The following HS3ST5 variants were observed in gnomAD, a reference collection of about 807,000 sequenced individuals.
HS3ST5 encodes the protein heparan sulfate-glucosamine 3-sulfotransferase 5.
A neutral mutation model predicts 25.4 loss-of-function variants in HS3ST5; 10 were observed. The ratio of observed to expected loss-of-function variants is 0.39; its 90% confidence interval spans 0.24 to 0.67. HS3ST5 has a LOEUF of 0.67. HS3ST5 is among the 30% of genes least tolerant of loss of function. The pLI is 0.44. For missense variants in HS3ST5, 324 were observed against 420.7 expected (o/e 0.77, Z 2.01); for synonymous variants, 170 against 162.4 (o/e 1.05, Z -0.36).
At chr6:114,202,201 C>T (rs1384490869) in intron 2 of HS3ST5, among the ~76,000 whole-genome samples, 2 of 152,150 alleles carry the variant, frequency 1.3e-5, no homozygotes, top group Non-Finnish European at 2.9e-5. Context: ...AGCAGGGTTG[C>T]TTGAGACCAG....
intron 3 of HS3ST5, among the ~76,000 whole-genome samples, chr6:114,140,771 A>G (rs956817605): frequency 2.0e-5 from 3 of 152,200 alleles, no homozygotes; most frequent in Non-Finnish European, 4.4e-5. Flanking sequence ...AAAAATGGCT[A>G]GTTTGTTATT....
At chr6:114,202,572 TA>T (rs1249095898) in intron 2 of HS3ST5, among the ~76,000 whole-genome samples, 1 of 152,028 alleles carries the variant, frequency 6.6e-6, no homozygotes, top group Non-Finnish European at 1.5e-5. Flanking sequence ...CATGGAAAAT[TA>T]AAATCTCAAT....
intron 3 of HS3ST5, among the ~76,000 whole-genome samples, chr6:114,121,577 T>G (rs894413743): frequency 6.6e-6 from 1 of 152,176 alleles, no homozygotes; most frequent in Non-Finnish European, 1.5e-5. Context: ...AATAAAATTT[T>G]CTTTTTATAA....
intron 2 of HS3ST5, among the ~76,000 whole-genome samples, chr6:114,204,608 TA>T (rs1413485024): frequency 1.3e-5 from 2 of 152,138 alleles, no homozygotes; most frequent in Non-Finnish European, 2.9e-5. Context: ...TGTTTTAAAG[TA>T]TTTTTTTGGG....
intron 1 of HS3ST5, among the ~76,000 whole-genome samples, chr6:114,274,957 G>A (rs1323049): frequency 0.17 from 26,102 of 151,382 alleles, 2,259 homozygotes; most frequent in East Asian, 0.27. Flanking sequence ...GGGATTAGAG[G>A]CCTTCCCTGA....
intron 1 of HS3ST5, among the ~76,000 whole-genome samples, chr6:114,241,052 A>C (rs79786086): frequency 0.071 from 10,801 of 152,098 alleles, 404 homozygotes; most frequent in South Asian, 0.15. Flanking sequence ...TAAAAAATGA[A>C]ATCACAAGGT....
intron 2 of HS3ST5, among the ~76,000 whole-genome samples, chr6:114,219,626 G>C (rs1781936704): frequency 6.6e-6 from 1 of 152,034 alleles, no homozygotes; most frequent in Non-Finnish European, 1.5e-5. Flanking sequence ...AAATATATTA[G>C]CTTTGTATTT....
At chr6:114,146,040 C>A (rs1778145980) in intron 3 of HS3ST5, among the ~76,000 whole-genome samples, 1 of 151,920 alleles carries the variant, frequency 6.6e-6, no homozygotes, top group African/African-American at 2.4e-5. Flanking sequence ...TCATAATTTT[C>A]AATAGAAAAA....
intron 1 of HS3ST5, among the ~76,000 whole-genome samples, chr6:114,232,003 T>C (rs1477534567): frequency 6.6e-6 from 1 of 152,324 alleles, no homozygotes; most frequent in Non-Finnish European, 1.5e-5. Flanking sequence ...TATGTGAATC[T>C]AGGGATTCCT....
chr6:114,146,609 A>G (rs1778174249), intron 3 of HS3ST5, among the ~76,000 whole-genome samples: 1 of 152,222 alleles, frequency 6.6e-6, no homozygotes, highest in African/African-American at 2.4e-5. Flanking sequence ...TACGGTTTGT[A>G]TATTCACTCC....
intron 1 of HS3ST5, chr6:114,281,980 T>C (rs530825136): frequency 6.6e-6 from 1 of 152,076 alleles, no homozygotes; most frequent in South Asian, 2.1e-4. Context: ...CAACTGGGAT[T>C]TTTGAACACT....
intron 1 of HS3ST5, among the ~76,000 whole-genome samples, chr6:114,265,834 C>T (rs890030414): frequency 1.3e-5 from 2 of 152,134 alleles, no homozygotes; most frequent in Non-Finnish European, 2.9e-5. Context: ...TTTGGGGCAT[C>T]TCTTCCCTGC....
At chr6:114,304,329 A>G (rs1775203388) in intron 1 of HS3ST5, among the ~76,000 whole-genome samples, 2 of 152,118 alleles carry the variant, frequency 1.3e-5, no homozygotes, top group Admixed American at 1.3e-4. Flanking sequence ...TGAATGTAGG[A>G]AAAAAATCCT....
rs1170430439 is a variant in HS3ST5, at chr6:114,084,072, C to G, written c.-32-21195G>C. ...TTTTTATGGTCTCAGGTTCCCTGAT[C>G]ATATTTTCTTTTCTTTTTTTTTTTT... On this transcript the variant is annotated intron_variant, in intron 3 of 4. Coordinates refer to ENST00000312719, the MANE Select transcript of HS3ST5 (RefSeq NM_153612.4). The G allele has an allele frequency of 8.6e-5, 50 of 581,924 alleles. No homozygotes were observed. The South Asian group carries it at 1.1e-3, about 13-fold the overall frequency. 36.0% of individuals were successfully genotyped at this position (581,924 alleles called of 1,614,324 possible).
intron 2 of HS3ST5, among the ~76,000 whole-genome samples, chr6:114,189,674 G>A (rs1780403692): frequency 6.6e-6 from 1 of 151,578 alleles, no homozygotes; most frequent in Non-Finnish European, 1.5e-5. Flanking sequence ...TTTTCTGAAT[G>A]TGCCTCTTTT....
At chr6:114,259,353 C>A (rs1374388684) in intron 1 of HS3ST5, among the ~76,000 whole-genome samples, 4 of 152,102 alleles carry the variant, frequency 2.6e-5, no homozygotes, top group Admixed American at 6.5e-5. Context: ...AAATTAAATT[C>A]TTTTAATACT....
At chr6:114,183,539 A>G (rs2115028519) in intron 2 of HS3ST5, among the ~76,000 whole-genome samples, 1 of 152,330 alleles carries the variant, frequency 6.6e-6, no homozygotes, top group Non-Finnish European at 1.5e-5. Flanking sequence ...ATATACATAT[A>G]TAATCTCCTA....
intron 3 of HS3ST5, among the ~76,000 whole-genome samples, chr6:114,146,883 G>A (rs1407874694): frequency 6.6e-6 from 1 of 152,164 alleles, no homozygotes; most frequent in Non-Finnish European, 1.5e-5. Flanking sequence ...TGCCATGCTT[G>A]TGCCTGCAGA....
chr6:114,193,446 T>C (rs979586145), intron 2 of HS3ST5, among the ~76,000 whole-genome samples: 6 of 152,184 alleles, frequency 3.9e-5, no homozygotes, highest in African/African-American at 1.4e-4. Flanking sequence ...TTTGGTGTGT[T>C]TGGGGACTAC....
Sources: gnomAD v4.1 joint callset for allele counts (sites outside exome capture counted in the v4.1 genomes callset) on GRCh38, gnomAD v4.1.1 for gene constraint, MANE v1.5 for transcripts, NCBI Gene and HGNC (gene_info 2026-07-23, HGNC 2026-07-21) for gene names.